Variants in CMIP observed in about 807,000 individuals in gnomAD.
CMIP encodes the protein c-Maf inducing protein.
Under a neutral mutation model 97.3 loss-of-function variants are expected in CMIP, and 13 were observed. That is an observed-to-expected ratio of 0.13 (90% CI 0.09 to 0.21). CMIP has a LOEUF of 0.21. Among genes scored for constraint, CMIP ranks in the 10% least tolerant of loss-of-function variants. The pLI is 1.00. For missense variants in CMIP, 847 were observed against 1,024.9 expected, an observed-to-expected ratio of 0.83 and a Z score of 2.37; for synonymous variants, 538 against 436.3, an observed-to-expected ratio of 1.23 and a Z score of -2.91.
intron 1 of CMIP, among the ~76,000 whole-genome samples, chr16:81,542,111 C>T (rs958001834): frequency 6.6e-6 from 1 of 152,082 alleles, no homozygotes; most frequent in Admixed American, 6.6e-5. Context: ...TTAAACACAG[C>T]CCAGGAACAA....
intron 1 of CMIP, among the ~76,000 whole-genome samples, chr16:81,548,121 G>A (rs2090583820): frequency 6.8e-6 from 1 of 148,124 alleles, no homozygotes; most frequent in South Asian, 2.1e-4. Context: ...GACATCTAAG[G>A]ATGGATCACT....
chr16:81,471,600 C>T (rs895960567), intron 1 of CMIP, among the ~76,000 whole-genome samples: 1 of 152,180 alleles, frequency 6.6e-6, no homozygotes, highest in Non-Finnish European at 1.5e-5. Context: ...CACAGTTATA[C>T]AGTAGTCCAC....
In CMIP at chr16:81,616,024, C is replaced by T. The variant is rs559428354; in HGVS notation, c.427-4852C>T. 8.6e-4 allele frequency among the ~76,000 whole-genome samples: 129 copies of T among 150,788 alleles called. 2 individuals are homozygous for T. Among genetic ancestry groups the T allele is most frequent in the Non-Finnish European group, 4.0e-4 (27 of 67,720 alleles). On this transcript the variant is annotated intron_variant, in intron 2 of 20. Transcript: ENST00000537098. The surrounding 1 kb of genome is among the most constrained non-coding windows in gnomAD (Gnocchi z 4.7). ...TCGCACTGGGGCAGAAGGAGCCGGG[C>T]GCGGTGGGTGGGAGATCTTGGCTGT...
At position 81,651,270 on chromosome 16, in the gene CMIP, G is replaced by A. The variant is rs1020256067; in HGVS notation, c.478-933G>A. ...CAGGCAGCTGCAAAGGCGGGAGCCC[G>A]GGCGGGGGTGGAGGGAGTGCTTGGC... On this transcript the variant is annotated intron_variant, in intron 3 of 20. Coordinates refer to ENST00000537098, the MANE Select transcript of CMIP (RefSeq NM_198390.3). 66 of 189,678 alleles carry A rather than the reference G, an allele frequency of 3.5e-4. 5 individuals are homozygous for A. The highest frequency in any genetic ancestry group is 5.9e-5 in the Non-Finnish European group (6 of 102,262). The allele number at this position is 189,678 out of a possible 1,614,324, so 11.7% of individuals were successfully genotyped here.
chr16:81,567,319 C>T (rs761597745), intron 1 of CMIP, among the ~76,000 whole-genome samples: 8 of 152,242 alleles, frequency 5.3e-5, no homozygotes, highest in South Asian at 2.1e-4. Context: ...AGTGAGACAC[C>T]GCTGCTACAG....
chr16:81,517,865 C>T (rs979110245), intron 1 of CMIP: 21 of 865,490 alleles, frequency 2.4e-5, no homozygotes, highest in East Asian at 2.5e-4. Context: ...GCAGCCAGGG[C>T]GCAGAGTTGG....
At chr16:81,446,051 C>G (rs1159973317) in intron 1 of CMIP, among the ~76,000 whole-genome samples, 1 of 152,132 alleles carries the variant, frequency 6.6e-6, no homozygotes, top group Non-Finnish European at 1.5e-5. Flanking sequence ...TTGGTTTACC[C>G]GTCCTTTATT....
intron 1 of CMIP, among the ~76,000 whole-genome samples, chr16:81,545,784 G>T (rs762748850): frequency 6.6e-6 from 1 of 152,352 alleles, no homozygotes; most frequent in South Asian, 2.1e-4. Context: ...AAGCCTTCCT[G>T]CCGGCCCTCC....
At chr16:81,646,215 G>GATGGATTA (rs1431243331) in intron 3 of CMIP, among the ~76,000 whole-genome samples, 1 of 129,968 alleles carries the variant, frequency 7.7e-6, no homozygotes, top group East Asian at 2.6e-4. Flanking sequence ...TGAATGAGTG[G>GATGGATTA]ATGGATTAAT....
At chr16:81,653,041 T>A (rs1204684840) in intron 4 of CMIP, among the ~76,000 whole-genome samples, 1 of 152,084 alleles carries the variant, frequency 6.6e-6, no homozygotes, top group Non-Finnish European at 1.5e-5. Context: ...TGTCCCGCTG[T>A]TGGTTAGGCA....
chr16:81,640,311 GA>G (rs2092289021), intron 3 of CMIP, among the ~76,000 whole-genome samples: 1 of 149,768 alleles, frequency 6.7e-6, no homozygotes, highest in Non-Finnish European at 1.5e-5. Flanking sequence ...ATTCCCCAGG[GA>G]AAGAAAACCC....
chr16:81,501,627 T>TC (rs1002272590), intron 1 of CMIP, among the ~76,000 whole-genome samples: 4 of 150,112 alleles, frequency 2.7e-5, no homozygotes, highest in African/African-American at 7.4e-5. Context: ...TTTTTTTTTT[T>TC]CTGAGACGGT....
At chr16:81,448,005 G>T (rs574684455) in intron 1 of CMIP, among the ~76,000 whole-genome samples, 2 of 152,348 alleles carry the variant, frequency 1.3e-5, no homozygotes, top group East Asian at 1.9e-4. Context: ...TTATAGTGCG[G>T]CCCAAGCACT....
At chr16:81,516,973 A>G (rs1267667865) in intron 1 of CMIP, among the ~76,000 whole-genome samples, 1 of 152,086 alleles carries the variant, frequency 6.6e-6, no homozygotes, top group African/African-American at 2.4e-5. Flanking sequence ...TCTTCAGTGA[A>G]AAACCAGAAG....
rs1476748283 is a variant in CMIP at position 81,655,122 on chromosome 16, G to A, written c.640-2653G>A. On this transcript the variant is annotated intron_variant, in intron 4 of 20. Transcript: ENST00000537098. The surrounding 1 kb of genome is among the most constrained non-coding windows in gnomAD (Gnocchi z 4.9). ...TGGCCACATTTTCATTGTCATAGGA[G>A]ATGTCTGTGGTCTGAACCCCGTAAG... Among the ~76,000 whole-genome samples the A allele has an allele frequency of 1.3e-5, 2 of 152,216 alleles. No homozygotes were observed. The highest frequency in any genetic ancestry group is 2.4e-5 in the African/African-American group (1 of 41,460).
At chr16:81,677,553 G>T (rs554017048) in intron 9 of CMIP, among the ~76,000 whole-genome samples, 1 of 152,330 alleles carries the variant, frequency 6.6e-6, no homozygotes, top group East Asian at 1.9e-4. Flanking sequence ...ACCAGGTCAA[G>T]GCTCTGACAA....
In CMIP at chr16:81,672,074, A is replaced by T; in HGVS notation, c.1034+4A>T. 6.4e-7 allele frequency: 1 copy of T among 1,551,804 alleles called. No individual in the cohort carries two copies. The highest frequency in any genetic ancestry group is 8.8e-7 in the Non-Finnish European group (1 of 1,135,594). ...GCTATGAAGAGTTCATCAACAGGTC[A>T]GTTGCTGAACCACCGCCACCCAGAG... On this transcript the variant is annotated splice_donor_region_variant and intron_variant, in intron 9 of 20. Transcript: ENST00000537098.
At chr16:81,642,667 C>T (rs1040280925) in intron 3 of CMIP, among the ~76,000 whole-genome samples, 8 of 152,106 alleles carry the variant, frequency 5.3e-5, no homozygotes, top group South Asian at 4.1e-4. Flanking sequence ...CTGCCGGGCG[C>T]GGTGGCTCTC....
rs182467887 is a variant in CMIP at position 81,483,043 on chromosome 16, G to A, written c.300+37502G>A. On this transcript the variant is annotated intron_variant, in intron 1 of 20. Coordinates refer to ENST00000537098, the MANE Select transcript of CMIP (RefSeq NM_198390.3). ...TACTGGAGGAGAGGAAAATGAACAC[G>A]GAAATATAGAATCTTGTCTGCTGCC... Among the ~76,000 whole-genome samples the A allele has an allele frequency of 3.9e-4, 59 of 152,350 alleles. No homozygotes were observed. The East Asian group carries it at 0.011, about 28-fold the overall frequency.
Sources: gnomAD v4.1 joint callset for allele counts (sites outside exome capture counted in the v4.1 genomes callset) on GRCh38, gnomAD v4.1.1 for gene constraint, Gnocchi (gnomAD v3.1) non-coding constraint, MANE v1.5 for transcripts, NCBI Gene and HGNC (gene_info 2026-07-23, HGNC 2026-07-21) for gene names.